VPS13A: variants seen among roughly 807,000 people sequenced by gnomAD.
The protein encoded by VPS13A is intermembrane lipid transfer protein VPS13A.
A neutral mutation model predicts 390.9 loss-of-function variants in VPS13A; 264 were observed. That is an observed-to-expected ratio of 0.68 (90% confidence interval 0.61 to 0.75). The LOEUF (loss-of-function observed/expected upper bound fraction) is 0.75, where lower values mean the gene tolerates loss of function less well. Ranked by LOEUF, VPS13A falls within the 30% of genes least tolerant of loss-of-function variation. The pLI is 0.00. For missense variants in VPS13A, 3,409 were observed against 3,733.9 expected (o/e 0.91, Z 2.27); for synonymous variants, 1,231 against 1,227.1 (o/e 1.00, Z -0.07).
intron 71 of VPS13A, among the ~76,000 whole-genome samples, chr9:77,409,303 C>T (rs1057112739): frequency 1.5e-4 from 23 of 152,152 alleles, no homozygotes; most frequent in African/African-American, 5.1e-4. Flanking sequence ...ATCTGTACAT[C>T]ACCATCATCA....
At chr9:77,227,591 CT>C in intron 16 of VPS13A, 106 bp downstream of exon 16, 4 of 866,954 alleles carry the variant, frequency 4.6e-6, no homozygotes, top group Non-Finnish European at 7.3e-6. Flanking sequence ...GGTGTGATCT[CT>C]GCTGCCAGCC....
chr9:77,179,901 A>G (rs536744238), intron 1 of VPS13A, among the ~76,000 whole-genome samples: 1 of 152,098 alleles, frequency 6.6e-6, no homozygotes, highest in East Asian at 1.9e-4. Flanking sequence ...GGCAACCACT[A>G]ATCTTTCTGT....
chr9:77,355,545 A>G (rs919124747), intron 54 of VPS13A, among the ~76,000 whole-genome samples: 2 of 152,128 alleles, frequency 1.3e-5, no homozygotes, highest in African/African-American at 4.8e-5. Flanking sequence ...GTCTTCTGTC[A>G]CACCTGTCAT....
intron 34 of VPS13A, among the ~76,000 whole-genome samples, chr9:77,304,767 A>G (rs1419830057): frequency 1.3e-5 from 2 of 152,194 alleles, no homozygotes; most frequent in East Asian, 1.9e-4. Context: ...ATGAAAGTCA[A>G]AAGTGTGTCA....
chr9:77,263,384 G>A (rs1188734697), intron 23 of VPS13A, among the ~76,000 whole-genome samples: 2 of 152,054 alleles, frequency 1.3e-5, no homozygotes, highest in East Asian at 1.9e-4. Flanking sequence ...TGGGATTACA[G>A]GTGTGAGCCA....
At chr9:77,259,468 T>C (rs1825636459) in intron 22 of VPS13A, among the ~76,000 whole-genome samples, 1 of 152,186 alleles carries the variant, frequency 6.6e-6, no homozygotes, top group South Asian at 2.1e-4. Flanking sequence ...AAGTAATCAG[T>C]GTGCGTACGT....
Position 77,416,275 on chromosome 9 carries a change from G to A in VPS13A, c.*269G>A. 1 of 365,990 alleles carries A rather than the reference G, an allele frequency of 2.7e-6. No homozygotes were observed. Among genetic ancestry groups the A allele is most frequent in the Admixed American group, 4.4e-5 (1 of 22,672 alleles). The allele number at this position is 365,990 out of a possible 1,614,324, so 22.7% of individuals were successfully genotyped here. ...ATCTATTTATAATTCTAATTATTTT[G>A]TAAAAGAAGACAAAATTATGAATCT... On this transcript the variant is annotated 3_prime_UTR_variant, in exon 72 of 72. Transcript: ENST00000360280.
chr9:77,344,036 A>C (rs1485638632), intron 50 of VPS13A, 117 bp from the exon 51 acceptor site: 6 of 911,440 alleles, frequency 6.6e-6, no homozygotes, highest in Non-Finnish European at 8.2e-6. Context: ...TAACTAGAGC[A>C]GTGTTAAAAC....
At chr9:77,340,045 G>T in intron 48 of VPS13A, 133 bp from the exon 49 acceptor site, 1 of 1,347,210 alleles carries the variant, frequency 7.4e-7, no homozygotes, top group Non-Finnish European at 1.0e-6. Context: ...AAAAAGATTA[G>T]AATTTAATAT....
chr9:77,205,974 A>G lies in VPS13A; in HGVS notation c.284-4A>G, dbSNP rs534441636. 3.1e-5 allele frequency: 47 copies of G among 1,534,494 alleles called. No homozygotes were observed. Among genetic ancestry groups the G allele is most frequent in the East Asian group, 2.6e-4 (11 of 42,698 alleles). On this transcript the variant is annotated splice_polypyrimidine_tract_variant and splice_region_variant and intron_variant, in intron 4 of 71. Coordinates refer to ENST00000360280, the MANE Select transcript of VPS13A (RefSeq NM_033305.3). The stretch of plus-strand genomic sequence containing the variant: ...ATGATTCTTCCTTTTTAATCTTCCT[A>G]TAGGAATAAAATATGATCCTTTAAA...
intron 59 of VPS13A, 89 bp downstream of exon 59, chr9:77,360,730 C>A: frequency 1.0e-6 from 1 of 1,003,942 alleles, no homozygotes; most frequent in Non-Finnish European, 1.5e-6. Context: ...GACTTTGTTG[C>A]ATTTTAAAAA....
chr9:77,323,517 A>G (rs1005572670), intron 45 of VPS13A, among the ~76,000 whole-genome samples: 1 of 152,000 alleles, frequency 6.6e-6, no homozygotes, highest in East Asian at 1.9e-4. Flanking sequence ...TTTGTAATGT[A>G]TTTATATCCT....
intron 21 of VPS13A, among the ~76,000 whole-genome samples, chr9:77,250,650 C>G (rs1587419542): frequency 6.6e-6 from 1 of 152,150 alleles, no homozygotes; most frequent in African/African-American, 2.4e-5. Flanking sequence ...GTTGGATAAC[C>G]AGAAGACATT....
intron 19 of VPS13A, among the ~76,000 whole-genome samples, chr9:77,240,478 GTTTTTT>G (rs11351060): frequency 7.9e-6 from 1 of 126,068 alleles, no homozygotes; most frequent in Non-Finnish European, 1.6e-5. Context: ...TTATGTTTTT[GTTTTTT>G]TTTTTTTTTT....
chr9:77,360,693 A>T, intron 59 of VPS13A, 52 bp downstream of exon 59: 1 of 1,366,632 alleles, frequency 7.3e-7, no homozygotes, highest in Non-Finnish European at 1.0e-6. Flanking sequence ...AAAAGATATT[A>T]TTATAAATTT....
intron 12 of VPS13A, among the ~76,000 whole-genome samples, chr9:77,220,810 CA>C (rs1036993373): frequency 6.6e-6 from 1 of 151,980 alleles, no homozygotes; most frequent in African/African-American, 2.4e-5. Flanking sequence ...TTTTAAAACT[CA>C]AAAGTCTTGT....
At position 77,315,402 on chromosome 9, in the gene VPS13A, T is replaced by G. The variant is rs1312558855; in HGVS notation, c.4562T>G (p.Phe1521Cys). ...TTTCTGCAGACTGTTGCAAATGTCT[T>G]TCTTGAGGCCTACACCACAGGCACT... ...VEFLQTVANV[F>C]LEAYTTGTAV... Residue 1521 changes from phenylalanine to cysteine, a missense_variant, in exon 38 of 72, where the codon TTT becomes TGT. By Grantham distance (205) the Phe-to-Cys change is radical (BLOSUM62 -2). Around this residue, in one of 5 missense-constraint regions of VPS13A, gnomAD observed 2,717 missense variants for 2,917.4 expected, o/e 0.93. Coordinates refer to ENST00000360280, the MANE Select transcript of VPS13A (RefSeq NM_033305.3). 1.2e-6 allele frequency: 2 copies of G among 1,613,812 alleles called. No homozygotes were observed. The highest frequency in any genetic ancestry group is 1.7e-6 in the Non-Finnish European group (2 of 1,179,868).
chr9:77,359,237 A>T, intron 57 of VPS13A, 96 bp from the exon 58 acceptor site: 1 of 987,120 alleles, frequency 1.0e-6, no homozygotes, highest in Non-Finnish European at 1.6e-6. Flanking sequence ...ATTATTTAGT[A>T]AATGATTTAA....
chr9:77,207,237 A>ATGTATG (rs1564630306), intron 5 of VPS13A, among the ~76,000 whole-genome samples: 1 of 79,536 alleles, frequency 1.3e-5, no homozygotes, highest in Admixed American at 1.9e-4. Context: ...ATATATATAT[A>ATGTATG]TATATATATA....
Sources: allele counts gnomAD v4.1 joint callset (sites outside exome capture counted in the v4.1 genomes callset), GRCh38; gene constraint gnomAD v4.1.1; regional missense constraint gnomAD v4.1.1; transcripts MANE v1.5; gene names NCBI Gene and HGNC (gene_info 2026-07-23, HGNC 2026-07-21).